Variants in RBFOX3 observed in about 807,000 individuals in gnomAD.
RBFOX3 encodes RNA binding fox-1 homolog 3, also known as RNA binding protein fox-1 homolog 3.
Under a neutral mutation model 48.7 loss-of-function variants are expected in RBFOX3, and 17 were observed. The observed-to-expected ratio is 0.35, with a 90% CI of 0.24 to 0.52. RBFOX3 has a LOEUF of 0.52. RBFOX3 is among the 20% of genes least tolerant of loss of function. The pLI is 0.94. For missense variants in RBFOX3, 382 were observed against 497.5 expected, an observed-to-expected ratio of 0.77 and a Z score of 2.21; for synonymous variants, 212 against 209.5, an observed-to-expected ratio of 1.01 and a Z score of -0.10.
intron 1 of RBFOX3, among the ~76,000 whole-genome samples, chr17:79,561,031 G>A (rs1297121116): frequency 2.6e-5 from 4 of 152,204 alleles, no homozygotes; most frequent in Admixed American, 2.0e-4. Flanking sequence ...GGGGGCGCCT[G>A]GCCTCTCCCA....
chr17:79,245,982 C>T (rs1391120479), intron 3 of RBFOX3, among the ~76,000 whole-genome samples: 1 of 151,994 alleles, frequency 6.6e-6, no homozygotes, highest in African/African-American at 2.4e-5. Flanking sequence ...TCATTGGCCC[C>T]ATTTCCCATT....
chr17:79,139,289 C>G (rs1180924754), intron 4 of RBFOX3, among the ~76,000 whole-genome samples: 1 of 152,092 alleles, frequency 6.6e-6, no homozygotes, highest in African/African-American at 2.4e-5. Context: ...TCAGGCAGGG[C>G]TGTGCCCACC....
intron 1 of RBFOX3, among the ~76,000 whole-genome samples, chr17:79,585,095 A>C (rs1331870489): frequency 6.6e-6 from 1 of 152,010 alleles, no homozygotes; most frequent in Non-Finnish European, 1.5e-5. Flanking sequence ...CTCTGGGGAA[A>C]GTGTGGGGGG....
intron 4 of RBFOX3, among the ~76,000 whole-genome samples, chr17:79,136,958 A>G (rs905232866): frequency 6.6e-6 from 1 of 152,100 alleles, no homozygotes; most frequent in African/African-American, 2.4e-5. Flanking sequence ...GCGTGGGGAC[A>G]GCTTGTATGG....
chr17:79,535,009 G>A lies in RBFOX3; in HGVS notation c.-319-52411C>T, dbSNP rs1253245936. 2.6e-5 allele frequency among the ~76,000 whole-genome samples: 4 copies of A among 152,116 alleles called. No homozygotes were observed. Among genetic ancestry groups the A allele is most frequent in the East Asian group, 1.9e-4 (1 of 5,180 alleles). Reference sequence around the variant, plus strand: ...TGCCCAGAGGGATCCCAGCTGAATCGGTTAGGATGCTTTCAGCTGCACCCA... The same window carrying A: ...TGCCCAGAGGGATCCCAGCTGAATCAGTTAGGATGCTTTCAGCTGCACCCA... On this transcript the variant is annotated intron_variant, in intron 1 of 14. Transcript: ENST00000693108. The surrounding 1 kb of genome is among the most constrained non-coding windows in gnomAD (Gnocchi z 4.5).
rs1021452641 is a variant in RBFOX3, at chr17:79,242,187, G to A, written c.-73-6382C>T. Among the ~76,000 whole-genome samples the A allele has an allele frequency of 3.3e-5, 5 of 152,232 alleles. No homozygotes were observed. The highest frequency in any genetic ancestry group is 2.1e-4 in the South Asian group (1 of 4,824). On this transcript the variant is annotated intron_variant, in intron 3 of 14. Coordinates refer to ENST00000693108, the MANE Select transcript of RBFOX3 (RefSeq NM_001350451.2). This position sits in a 1 kb window ranked among gnomAD's most constrained non-coding sequence, Gnocchi z 5.8. ...GACCTTGGGAGCTCTGGTTCCCAGC[G>A]TGCTGCTGCTGCTGGTGGAGGGGGT...
At chr17:79,095,881 A>AT (rs555217803) in intron 12 of RBFOX3, among the ~76,000 whole-genome samples, 446 of 152,324 alleles carry the variant, frequency 2.9e-3, no homozygotes, top group Non-Finnish European at 4.9e-3. Flanking sequence ...CTCCACACAC[A>AT]TTAGCGGGTA....
chr17:79,100,740 C>T (rs568808739), intron 9 of RBFOX3, among the ~76,000 whole-genome samples: 10 of 152,356 alleles, frequency 6.6e-5, no homozygotes, highest in Admixed American at 2.6e-4. Context: ...CCCCAACGTA[C>T]GCCTGCTCTG....
chr17:79,484,511 CTGGGTG>C (rs2079246630), intron 1 of RBFOX3, among the ~76,000 whole-genome samples: 1 of 54,436 alleles, frequency 1.8e-5, no homozygotes, highest in Non-Finnish European at 4.6e-5. Context: ...TGCAGGGGGC[CTGGGTG>C]CAGGGGGCCT....
At chr17:79,145,642 C>G (rs1351879113) in intron 4 of RBFOX3, among the ~76,000 whole-genome samples, 1 of 152,216 alleles carries the variant, frequency 6.6e-6, no homozygotes, top group African/African-American at 2.4e-5. Flanking sequence ...GTGGTGGCAG[C>G]AGGGAGGAAA....
chr17:79,598,491 C>T (rs1299467357), intron 1 of RBFOX3: 1 of 152,154 alleles, frequency 6.6e-6, no homozygotes, highest in East Asian at 1.9e-4. Flanking sequence ...ATTATTTTAG[C>T]GTGGGAGACA....
chr17:79,465,596 A>G lies in RBFOX3; in HGVS notation c.-175+16858T>C, dbSNP rs561004591. ...ACATGCACAAAAAAAAAAAAAATAC[A>G]TCTAAATTTCTCCAAGTGCAACACT... On this transcript the variant is annotated intron_variant, in intron 2 of 14. Transcript: ENST00000693108. Among the ~76,000 whole-genome samples the G allele has an allele frequency of 2.0e-5, 3 of 151,942 alleles. No individual in the cohort carries two copies. In the South Asian group the frequency reaches 6.2e-4, roughly 32 times the overall value.
intron 2 of RBFOX3, among the ~76,000 whole-genome samples, chr17:79,459,138 G>A (rs2075025027): frequency 6.6e-6 from 1 of 152,146 alleles, no homozygotes. Flanking sequence ...GCTCCCAAGA[G>A]TAGAGTCCCC....
chr17:79,578,270 A>G (rs952585916), intron 1 of RBFOX3, among the ~76,000 whole-genome samples: 2 of 152,280 alleles, frequency 1.3e-5, no homozygotes, highest in African/African-American at 2.4e-5. Context: ...GGGGAGCATC[A>G]GGGCACTCAA....
chr17:79,096,918 C>T (rs1389693803), intron 11 of RBFOX3, 85 bp from the exon 12 acceptor site: 1 of 610,734 alleles, frequency 1.6e-6, no homozygotes, highest in Admixed American at 2.9e-5. Context: ...CCACCCGACC[C>T]CAGGCAGCTG....
At chr17:79,277,311 G>A (rs1014000021) in intron 3 of RBFOX3, among the ~76,000 whole-genome samples, 1 of 145,646 alleles carries the variant, frequency 6.9e-6, no homozygotes, top group Non-Finnish European at 1.5e-5. Context: ...GGAGGGGGGG[G>A]GTAGTGCTGC....
intron 3 of RBFOX3, among the ~76,000 whole-genome samples, chr17:79,271,320 T>C (rs957827221): frequency 6.6e-6 from 1 of 152,156 alleles, no homozygotes; most frequent in Non-Finnish European, 1.5e-5. Context: ...AGATGATCCA[T>C]GTGTCTTGGC....
At chr17:79,574,986 C>T (rs1370271092) in intron 1 of RBFOX3, among the ~76,000 whole-genome samples, 1 of 152,202 alleles carries the variant, frequency 6.6e-6, no homozygotes, top group Non-Finnish European at 1.5e-5. Flanking sequence ...GTCCAAGGAT[C>T]GCACTTTGAG....
At chr17:79,219,220 G>A (rs145284189) in intron 4 of RBFOX3, among the ~76,000 whole-genome samples, 1 of 152,324 alleles carries the variant, frequency 6.6e-6, no homozygotes, top group Non-Finnish European at 1.5e-5. Flanking sequence ...CCGGATGTGG[G>A]GTTGCCCCTG....
Sources: allele counts gnomAD v4.1 joint callset (sites outside exome capture counted in the v4.1 genomes callset), GRCh38; gene constraint gnomAD v4.1.1; non-coding constraint Gnocchi (gnomAD v3.1); transcripts MANE v1.5; gene names NCBI Gene and HGNC (gene_info 2026-07-23, HGNC 2026-07-21).